The following EIF2B3 variants were observed in gnomAD, a reference collection of about 807,000 sequenced individuals.
EIF2B3 encodes the protein eukaryotic translation initiation factor 2B subunit gamma.
In EIF2B3, 20 loss-of-function variants were observed where a neutral mutation model predicts 54.1. The ratio of observed to expected loss-of-function variants is 0.37; its 90% CI spans 0.26 to 0.54. The LOEUF is 0.54. Ranked by LOEUF, EIF2B3 falls within the 20% of genes least tolerant of loss-of-function variation. The pLI is 0.86. For synonymous variants in EIF2B3, 153 were observed against 188.1 expected, an observed-to-expected ratio of 0.81 and a Z score of 1.52; for missense variants, 448 against 547.8, an observed-to-expected ratio of 0.82 and a Z score of 1.82.
At chr1:44,898,670 C>T (rs1233740518) in intron 5 of EIF2B3, among the ~76,000 whole-genome samples, 1 of 151,902 alleles carries the variant, frequency 6.6e-6, no homozygotes, top group Non-Finnish European at 1.5e-5. Flanking sequence ...CTTCGACTGC[C>T]TTGTAGGTTT....
At chr1:44,952,162 A>C (rs1238765393) in intron 3 of EIF2B3, among the ~76,000 whole-genome samples, 1 of 137,532 alleles carries the variant, frequency 7.3e-6, no homozygotes, top group Non-Finnish European at 1.6e-5. Context: ...ACGGGGTTTC[A>C]CCGTTTTAGC....
intron 5 of EIF2B3, 139 bp from the exon 6 acceptor site, chr1:44,897,583 G>C (rs957661614): frequency 7.1e-6 from 5 of 707,126 alleles, no homozygotes; most frequent in Non-Finnish European, 1.2e-5. Context: ...TTTCTGGGGA[G>C]ACCAGGACAG....
At chr1:44,906,794 C>G (rs1361809834) in intron 5 of EIF2B3, among the ~76,000 whole-genome samples, 1 of 152,186 alleles carries the variant, frequency 6.6e-6, no homozygotes, top group Non-Finnish European at 1.5e-5. Context: ...CAGGTATGTA[C>G]AAGACACTAA....
chr1:44,921,438 G>A (rs556647266), intron 5 of EIF2B3, among the ~76,000 whole-genome samples: 181 of 152,264 alleles, frequency 1.2e-3, no homozygotes, highest in Non-Finnish European at 2.0e-3. Context: ...TGTGCTTGTG[G>A]GGTATTACTC....
chr1:44,968,231 T>C (rs1050340715), intron 3 of EIF2B3, among the ~76,000 whole-genome samples: 2 of 151,224 alleles, frequency 1.3e-5, no homozygotes, highest in African/African-American at 4.9e-5. Flanking sequence ...CTGGGTGTGG[T>C]GGCATGTTCC....
chr1:44,985,882 T>C (rs1295669846), intron 1 of EIF2B3, among the ~76,000 whole-genome samples: 2 of 152,130 alleles, frequency 1.3e-5, no homozygotes, highest in African/African-American at 2.4e-5. Flanking sequence ...CAGTTGTAAA[T>C]AGATAAGAAA....
chr1:44,889,609 T>C (rs1215884708), intron 6 of EIF2B3, among the ~76,000 whole-genome samples: 2 of 152,084 alleles, frequency 1.3e-5, no homozygotes, highest in Non-Finnish European at 2.9e-5. Flanking sequence ...TTATCTTTTT[T>C]TTTGAAAAGG....
chr1:44,897,568 ATC>A (rs1414899657), intron 5 of EIF2B3, 124 bp from the exon 6 acceptor site: 1 of 774,554 alleles, frequency 1.3e-6, no homozygotes, highest in East Asian at 2.7e-5. Context: ...TGCTGCCTAC[ATC>A]TCTTTCTGGG....
intron 3 of EIF2B3, among the ~76,000 whole-genome samples, chr1:44,952,003 C>T (rs1644168619): frequency 1.3e-5 from 1 of 77,052 alleles, no homozygotes; most frequent in Non-Finnish European, 2.6e-5. Context: ...CGCTCTGTTG[C>T]CCAGGCTGGA....
At chr1:44,972,267 A>G (rs1434511056) in intron 3 of EIF2B3, among the ~76,000 whole-genome samples, 1 of 77,594 alleles carries the variant, frequency 1.3e-5, no homozygotes, top group African/African-American at 6.6e-5. Context: ...ACACACACAC[A>G]TATACACACA....
chr1:44,945,429 C>T (rs182859180), intron 3 of EIF2B3, among the ~76,000 whole-genome samples: 57 of 151,824 alleles, frequency 3.8e-4, no homozygotes, highest in African/African-American at 1.4e-3. Context: ...TGGCAGGCGC[C>T]TGTAGTCCCA....
chr1:44,850,998 G>A lies in EIF2B3; in HGVS notation c.1312C>T (p.Arg438Ter), dbSNP rs746817105. The A allele has an allele frequency of 4.3e-6, 7 of 1,613,840 alleles. No individual in the cohort carries two copies. The highest frequency in any genetic ancestry group is 2.2e-5 in the East Asian group (1 of 44,884). ...TTCCCCACGATCACCTCATTCACTC[G>A]TTTAGCTACAAAAGAAAAGGAAAAA... ...SGQRIEAKAK[R>*]VNEVIVGNDQ... Residue 438 changes from arginine (R) to a stop codon, truncating the protein, a stop_gained, in exon 12 of 12, where the codon CGA becomes TGA. Transcript: ENST00000360403. LOFTEE classifies it high-confidence loss of function.
intron 11 of EIF2B3, among the ~76,000 whole-genome samples, chr1:44,856,313 A>C (rs1203970943): frequency 2.0e-5 from 3 of 151,868 alleles, no homozygotes; most frequent in Non-Finnish European, 4.4e-5. Context: ...CCAGGAGTTC[A>C]AGACCAGCCT....
chr1:44,986,141 T>TC (rs904303901), intron 1 of EIF2B3, among the ~76,000 whole-genome samples: 74 of 106,892 alleles, frequency 6.9e-4, no homozygotes, highest in East Asian at 4.2e-3. Context: ...TTCTTTTCTT[T>TC]TTTTTTTTTT....
At chr1:44,953,307 C>T (rs1252151490) in intron 3 of EIF2B3, among the ~76,000 whole-genome samples, 2 of 151,534 alleles carry the variant, frequency 1.3e-5, no homozygotes, top group East Asian at 3.9e-4. Flanking sequence ...ATTTCTGGTC[C>T]AATTTCTGCC....
chr1:44,973,168 T>C (rs967357228), intron 3 of EIF2B3, among the ~76,000 whole-genome samples: 5 of 152,140 alleles, frequency 3.3e-5, no homozygotes, highest in Admixed American at 6.6e-5. Context: ...AACACAGAAA[T>C]AGCATATAAT....
intron 5 of EIF2B3, among the ~76,000 whole-genome samples, chr1:44,921,624 G>A (rs921243900): frequency 3.3e-5 from 5 of 152,052 alleles, no homozygotes; most frequent in Admixed American, 6.5e-5. Context: ...AGTTTTCCTA[G>A]CACCATTTAT....
intron 5 of EIF2B3, among the ~76,000 whole-genome samples, chr1:44,923,581 T>C (rs377155929): frequency 7.9e-5 from 12 of 152,212 alleles, no homozygotes; most frequent in African/African-American, 2.9e-4. Flanking sequence ...CTCAGTTTCC[T>C]TTCAGTCTAG....
At chr1:44,916,740 T>G (rs1372662338) in intron 5 of EIF2B3, among the ~76,000 whole-genome samples, 1 of 150,490 alleles carries the variant, frequency 6.6e-6, no homozygotes. Context: ...GGAGGATTGA[T>G]TGAGCCCAGG....
Sources: gnomAD v4.1 joint callset for allele counts (sites outside exome capture counted in the v4.1 genomes callset) on GRCh38, gnomAD v4.1.1 for gene constraint, MANE v1.5 for transcripts, NCBI Gene and HGNC (gene_info 2026-07-23, HGNC 2026-07-21) for gene names.